The following INAVA variants were observed in gnomAD, a reference collection of about 807,000 sequenced individuals.
INAVA encodes the protein innate immunity activator.
In INAVA, 32 loss-of-function variants were observed where a neutral mutation model predicts 55.3. The ratio of observed to expected loss-of-function variants is 0.58; its 90% CI spans 0.44 to 0.78. The LOEUF (loss-of-function observed/expected upper bound fraction) is 0.78, where lower values mean the gene tolerates loss of function less well. Ranked by LOEUF, INAVA falls within the 30% of genes least tolerant of loss-of-function variation. The probability of loss-of-function intolerance (pLI) is 0.00; values close to 1 mark genes in which losing one functional copy is unlikely to be tolerated. For missense variants in INAVA, 756 were observed against 786.4 expected, an observed-to-expected ratio of 0.96 and a Z score of 0.46; for synonymous variants, 294 against 329.4, an observed-to-expected ratio of 0.89 and a Z score of 1.16.
intron 1 of INAVA, among the ~76,000 whole-genome samples, chr1:200,897,168 G>A (rs985021305): frequency 6.6e-6 from 1 of 152,236 alleles, no homozygotes; most frequent in Non-Finnish European, 1.5e-5. Flanking sequence ...TACCACCCAA[G>A]TGTTCTCCAC....
intron 6 of INAVA, 198 bp from the exon 7 acceptor site, chr1:200,908,532 A>G: frequency 2.0e-6 from 1 of 498,642 alleles, no homozygotes. Flanking sequence ...GGCATAAAAT[A>G]GGGCTGTGTG....
chr1:200,894,742 G>A, upstream of INAVA: 1 of 960,944 alleles, frequency 1.0e-6, no homozygotes, highest in South Asian at 4.8e-5. Flanking sequence ...CTCCATGGGA[G>A]CCCCTTTTTC....
Position 200,911,664 on chromosome 1 carries a change from G to A in INAVA, c.1171G>A (p.Asp391Asn), listed in dbSNP as rs769139368. 2.5e-6 allele frequency: 4 copies of A among 1,613,968 alleles called. No individual in the cohort carries two copies. Among genetic ancestry groups the A allele is most frequent in the African/African-American group, 2.7e-5 (2 of 75,022 alleles). ...HPTSPGSSSP[D>N]ISFLQPLSPP... ...CACTTCGCCGGGCAGCAGCAGCCCC[G>A]ACATCTCCTTTCTGCAGCCTCTCTC... The change falls in exon 9 of 10, where the codon GAC (aspartate) becomes AAC (asparagine). Residue 391 changes from aspartate (D) to asparagine (N), a missense_variant. Physicochemically the swap from Asp to Asn is conservative, Grantham distance 23. Coordinates refer to ENST00000413687, the MANE Select transcript of INAVA (RefSeq NM_001142569.3).
At position 200,901,095 on chromosome 1, in the gene INAVA, C is replaced by T; in HGVS notation, c.456C>T (p.Arg152=). The change falls in exon 5 of 10, where the codon CGC becomes CGT. Residue 152 remains arginine, a synonymous_variant. Transcript: ENST00000413687. Reference sequence around the variant, plus strand: ...AGAAGAAGCTGCAGGAGCTCCAGCGCTGCCTGGTCGAGCGGCGGCGCAATA... The same window carrying T: ...AGAAGAAGCTGCAGGAGCTCCAGCGTTGCCTGGTCGAGCGGCGGCGCAATA... ...QEEKKLQELQ[R]CLVERRRNSE... 1 of 1,537,478 alleles carries T rather than the reference C, an allele frequency of 6.5e-7. No individual in the cohort carries two copies. The highest frequency in any genetic ancestry group is 8.7e-7 in the Non-Finnish European group (1 of 1,145,808).
At position 200,895,095 on chromosome 1, in the gene INAVA, C is replaced by G. The variant is rs921998196; in HGVS notation, c.-95+8C>G. On this transcript the variant is annotated splice_region_variant and intron_variant, in intron 1 of 9. Transcript: ENST00000413687. The stretch of plus-strand genomic sequence containing the variant: ...ACTAAAGCCCAGAAGCAGGTGAGGG[C>G]GGGGGAGGTGGAATGGGTCTTTGGG... 8 of 985,494 alleles carry G rather than the reference C, an allele frequency of 8.1e-6. No homozygotes were observed. The highest frequency in any genetic ancestry group is 9.4e-5 in the South Asian group (2 of 21,290). 61.0% of individuals were successfully genotyped at this position (985,494 alleles called of 1,614,324 possible). A position where few individuals can be genotyped will look rare whatever the true frequency, so the allele number is the denominator to read the frequency against.
rs185927498 is a variant in INAVA at position 200,914,473 on chromosome 1, G to A, written c.*844G>A. The A allele has an allele frequency of 6.6e-6, 1 of 152,458 alleles. No individual in the cohort carries two copies. The highest frequency in any genetic ancestry group is 1.9e-4 in the East Asian group (1 of 5,190). The allele number at this position is 152,458 out of a possible 1,614,324, so 9.4% of individuals were successfully genotyped here. A position where few individuals can be genotyped will look rare whatever the true frequency, so the allele number is the denominator to read the frequency against. ...CTTCTAACATTTTGTTTGTTTTTGA[G>A]ATGGAGTCTCGCTCTGTCGCCCAGG... On this transcript the variant is annotated 3_prime_UTR_variant, in exon 10 of 10. Coordinates refer to ENST00000413687, the MANE Select transcript of INAVA (RefSeq NM_001142569.3).
chr1:200,905,884 A>G (rs1445926059), intron 5 of INAVA, among the ~76,000 whole-genome samples: 2 of 151,724 alleles, frequency 1.3e-5, no homozygotes, highest in East Asian at 3.9e-4. Flanking sequence ...GCAAGCTCAC[A>G]GGGGAGAGCC....
chr1:200,898,411 A>G lies in INAVA; in HGVS notation c.11A>G (p.Lys4Arg). The G allele has an allele frequency of 6.2e-7, 1 of 1,614,004 alleles. No individual in the cohort carries two copies. The highest frequency in any genetic ancestry group is 8.5e-7 in the Non-Finnish European group (1 of 1,179,990). MES[K>R]DEVSDTDSGI... ...TTCCAGAAATCCACCATGGAGAGTA[A>G]GGATGAGGTCAGCGACACCGACAGT... is the stretch of plus-strand genomic sequence containing the variant. The change falls in exon 2 of 10, where the codon AAG (lysine) becomes AGG (arginine). Residue 4 changes from lysine to arginine, a missense_variant. This residue lies in a region of INAVA where 639 missense variants were observed against 624.3 expected (regional missense o/e 1.02). Transcript: ENST00000413687.
chr1:200,907,923 G>A (rs1386487368), intron 6 of INAVA, 36 bp downstream of exon 6: 1 of 1,564,598 alleles, frequency 6.4e-7, no homozygotes, highest in East Asian at 2.2e-5. Flanking sequence ...TGTCAAGGCT[G>A]GACTCCTACT....
At chr1:200,896,668 G>T (rs1668357870) in intron 1 of INAVA, among the ~76,000 whole-genome samples, 1 of 152,330 alleles carries the variant, frequency 6.6e-6, no homozygotes, top group South Asian at 2.1e-4. Flanking sequence ...TTGCTGTGTT[G>T]TTTATGTAGG....
chr1:200,904,467 T>G (rs1470294605), intron 5 of INAVA, among the ~76,000 whole-genome samples: 1 of 152,214 alleles, frequency 6.6e-6, no homozygotes, highest in Non-Finnish European at 1.5e-5. Context: ...CATGTGGCTA[T>G]GGAGCATTTG....
At position 200,911,965 on chromosome 1, in the gene INAVA, C is replaced by T; in HGVS notation, c.1472C>T (p.Ala491Val). 2 of 1,535,212 alleles carry T rather than the reference C, an allele frequency of 1.3e-6. No homozygotes were observed. Among genetic ancestry groups the T allele is most frequent in the Non-Finnish European group, 1.7e-6 (2 of 1,145,732 alleles). ...ACGCCCTCCCTGAAGGACAGCCCGG[C>T]AGGCCGGGGGCTCAGCAAGGCCGCC... is the stretch of plus-strand genomic sequence containing the variant. ...VRTPSLKDSP[A>V]GRGLSKAAVS... Residue 491 changes from alanine (A) to valine (V), a missense_variant, in exon 9 of 10, where the codon GCA (alanine) becomes GTA (valine). This residue lies in a region of INAVA where 117 missense variants were observed against 162.1 expected (regional missense o/e 0.72). Transcript: ENST00000413687.
Position 200,900,932 on chromosome 1 carries a change from C to T in INAVA, c.298-5C>T. ...CTCTAGCCTCACTCCTGCCCCCTCT[C>T]TCAGGACCCCCTAAGCAGCCTGGAG... On this transcript the variant is annotated splice_polypyrimidine_tract_variant and splice_region_variant and intron_variant, in intron 4 of 9. Coordinates refer to ENST00000413687, the MANE Select transcript of INAVA (RefSeq NM_001142569.3). 1 of 1,541,312 alleles carries T rather than the reference C, an allele frequency of 6.5e-7. No individual in the cohort carries two copies. The highest frequency in any genetic ancestry group is 8.8e-7 in the Non-Finnish European group (1 of 1,140,322).
rs770074891 is a variant in INAVA, at chr1:200,908,847, G to A, written c.692G>A (p.Arg231Gln). The A allele has an allele frequency of 1.2e-5, 19 of 1,613,842 alleles. No individual in the cohort carries two copies. Among genetic ancestry groups the A allele is most frequent in the East Asian group, 1.1e-4 (5 of 44,882 alleles). ...GGACCTGAGGCTGGGAGCCCAGAACGGGCTCCAGTCCAGAACAGCCCCTGG... is the reference window on the plus strand; with the variant it reads ...GGACCTGAGGCTGGGAGCCCAGAACAGGCTCCAGTCCAGAACAGCCCCTGG... The part of the protein sequence containing the change: ...PTGPEAGSPE[R>Q]APVQNSPWKE... Residue 231 changes from arginine (R) to glutamine (Q), a missense_variant, in exon 7 of 10, where the codon CGG (arginine) becomes CAG (glutamine). This residue lies in a region of INAVA where 639 missense variants were observed against 624.3 expected (regional missense o/e 1.02). Transcript: ENST00000413687.
chr1:200,909,181 TG>T (rs761521783), intron 7 of INAVA, 42 bp from the exon 8 acceptor site: 9 of 1,475,190 alleles, frequency 6.1e-6, no homozygotes, highest in Middle Eastern at 1.8e-4. Context: ...AGCCCCTGAA[TG>T]GAGGCATTCC....
chr1:200,913,008 C>T (rs563432544), intron 9 of INAVA, among the ~76,000 whole-genome samples: 8 of 152,204 alleles, frequency 5.3e-5, no homozygotes, highest in South Asian at 2.1e-4. Flanking sequence ...CTCCCTGGTA[C>T]GGAGGGCTCT....
chr1:200,908,898 A>T lies in INAVA; in HGVS notation c.743A>T (p.Tyr248Phe), dbSNP rs41313912. 0.011 allele frequency: 18,055 copies of T among 1,613,826 alleles called. 114 individuals are homozygous for T. Among genetic ancestry groups the T allele is most frequent in the Non-Finnish European group, 0.014 (16,411 of 1,179,860 alleles). Residue 248 changes from tyrosine to phenylalanine, a missense_variant, in exon 7 of 10, where the codon TAT becomes TTT. Tyr to Phe is a conservative substitution (Grantham distance 22). Around this residue, in one of 2 missense-constraint regions of INAVA, gnomAD observed 639 missense variants for 624.3 expected, o/e 1.02. Transcript: ENST00000413687. ...PWKETSLDHP[Y>F]EKPRKSSEPW... ...AAGGAAACCAGCCTGGACCACCCCT[A>T]TGAGAAGCCCAGGAAGTCTTCTGAG...
At chr1:200,898,856 A>G (rs942940100) in intron 2 of INAVA, among the ~76,000 whole-genome samples, 2 of 151,964 alleles carry the variant, frequency 1.3e-5, no homozygotes, top group Non-Finnish European at 2.9e-5. Context: ...TGGCTACCAC[A>G]TAGTCCCAGC....
Position 200,908,763 on chromosome 1 carries a change from C to A in INAVA, c.608C>A (p.Ser203Tyr). The A allele has an allele frequency of 6.2e-7, 1 of 1,605,384 alleles. No homozygotes were observed. Residue 203 changes from serine to tyrosine, a missense_variant, in exon 7 of 10, where the codon TCT becomes TAT. Ser to Tyr is a moderately radical substitution (Grantham distance 144). Transcript: ENST00000413687. The part of the protein sequence containing the change: ...ESQVPKPPPE[S>Y]PAPPSRPLPP... The stretch of plus-strand genomic sequence containing the variant: ...CAAGTGCCAAAACCTCCTCCAGAGT[C>A]TCCAGCCCCACCTTCTCGGCCTCTC...
Sources: allele counts gnomAD v4.1 joint callset (sites outside exome capture counted in the v4.1 genomes callset), GRCh38; gene constraint gnomAD v4.1.1; regional missense constraint gnomAD v4.1.1; transcripts MANE v1.5; gene names NCBI Gene and HGNC (gene_info 2026-07-23, HGNC 2026-07-21).